XRCC4: variants seen among roughly 807,000 people sequenced by gnomAD.
XRCC4 encodes DNA repair protein XRCC4.
XRCC4 carries 28 observed loss-of-function variants against 39.1 expected under a neutral mutation model. The observed-to-expected ratio is 0.72, with a 90% CI of 0.53 to 0.98. XRCC4 has a LOEUF of 0.98. Ranked by LOEUF, XRCC4 falls within the 50% of genes least tolerant of loss-of-function variation. The pLI, the probability that XRCC4 is intolerant of heterozygous loss-of-function variation, is 0.00. For synonymous variants in XRCC4, 123 were observed against 126.4 expected (o/e 0.97, Z 0.18); for missense variants, 350 against 376.4 (o/e 0.93, Z 0.58).
intron 7 of XRCC4, among the ~76,000 whole-genome samples, chr5:83,345,550 C>T (rs138873435): frequency 6.6e-5 from 10 of 152,244 alleles, no homozygotes; most frequent in East Asian, 1.9e-4. Flanking sequence ...AGTGTTATGG[C>T]GCCATCAATC....
chr5:83,099,280 C>G lies in XRCC4; in HGVS notation c.-10-5630C>G, dbSNP rs114499556. On this transcript the variant is annotated intron_variant, in intron 1 of 7. Coordinates refer to ENST00000396027, the MANE Select transcript of XRCC4 (RefSeq NM_003401.5). ...TGGCAGAGCTGCAGAAGTTTGAACA[C>G]CTGCAGCCCAAGCAGCTTAAAAAGA... is the stretch of plus-strand genomic sequence containing the variant. 1.5e-3 allele frequency among the ~76,000 whole-genome samples: 232 copies of G among 152,132 alleles called. 1 individual carries two copies. The highest frequency in any genetic ancestry group is 5.4e-3 in the African/African-American group (223 of 41,518).
At chr5:83,265,870 A>ACT (rs72540832) in intron 7 of XRCC4, among the ~76,000 whole-genome samples, 31,298 of 151,906 alleles carry the variant, frequency 0.21, 7,291 homozygotes, top group African/African-American at 0.58. Flanking sequence ...GATGTTTATA[A>ACT]CACCCTGGGA....
rs34020910 is a variant in XRCC4 at position 83,093,014 on chromosome 5, G to GACACACACAC, written c.-10-11876_-10-11867dup. 2.5e-4 allele frequency among the ~76,000 whole-genome samples: 38 copies of GACACACACAC among 149,430 alleles called. No individual in the cohort carries two copies. The South Asian group carries it at 2.8e-3, about 11-fold the overall frequency. On this transcript the variant is annotated intron_variant, in intron 1 of 7. Coordinates refer to ENST00000396027, the MANE Select transcript of XRCC4 (RefSeq NM_003401.5). The stretch of plus-strand genomic sequence containing the variant: ...ATAAAAGACAAGGAGTAAATGAATG[G>GACACACACAC]ACACACACACACACACACACACACA...
intron 1 of XRCC4, among the ~76,000 whole-genome samples, chr5:83,092,819 C>T (rs1341358062): frequency 6.6e-6 from 1 of 151,810 alleles, no homozygotes; most frequent in African/African-American, 2.4e-5. Context: ...ACATACCACA[C>T]AGGAAACTAT....
chr5:83,268,997 G>A (rs717938), intron 7 of XRCC4, among the ~76,000 whole-genome samples: 29,827 of 152,048 alleles, frequency 0.2, 6,685 homozygotes, highest in African/African-American at 0.55. Flanking sequence ...TATAAAACAG[G>A]AACTGTTGGA....
intron 7 of XRCC4, among the ~76,000 whole-genome samples, chr5:83,312,957 A>G (rs1210414956): frequency 6.6e-6 from 1 of 152,188 alleles, no homozygotes; most frequent in Non-Finnish European, 1.5e-5. Context: ...AACACTTGCA[A>G]AATTCATTTT....
intron 3 of XRCC4, among the ~76,000 whole-genome samples, chr5:83,124,641 G>T (rs186820564): frequency 1.7e-4 from 26 of 152,264 alleles, no homozygotes; most frequent in African/African-American, 6.3e-4. Context: ...TAGTACAAGG[G>T]TTGGCAAACA....
chr5:83,088,880 GT>G (rs1252205435), intron 1 of XRCC4, among the ~76,000 whole-genome samples: 1 of 152,132 alleles, frequency 6.6e-6, no homozygotes, highest in Non-Finnish European at 1.5e-5. Context: ...GCAGGAACAT[GT>G]TTGATTTAGT....
chr5:83,333,187 T>G (rs1756491712), intron 7 of XRCC4, among the ~76,000 whole-genome samples: 1 of 152,288 alleles, frequency 6.6e-6, no homozygotes, highest in East Asian at 1.9e-4. Flanking sequence ...GAACTCTTAT[T>G]TGCACAGAGA....
At chr5:83,301,524 T>C (rs890757943) in intron 7 of XRCC4, among the ~76,000 whole-genome samples, 2 of 152,196 alleles carry the variant, frequency 1.3e-5, no homozygotes, top group African/African-American at 2.4e-5. Flanking sequence ...TTCTGTAGTT[T>C]ACCTGTTCAC....
At chr5:83,141,322 C>G (rs10077862) in intron 3 of XRCC4, among the ~76,000 whole-genome samples, 73,607 of 151,942 alleles carry the variant, frequency 0.48, 18,790 homozygotes, top group African/African-American at 0.63. Flanking sequence ...TGAATTCCTA[C>G]ATGTGTGATT....
chr5:83,333,260 TG>T (rs1426268125), intron 7 of XRCC4, among the ~76,000 whole-genome samples: 3 of 152,330 alleles, frequency 2.0e-5, no homozygotes, highest in East Asian at 3.9e-4. Flanking sequence ...ATTACATGTG[TG>T]GCAGAGTGAC....
At chr5:83,172,966 C>T (rs1240721476) in intron 3 of XRCC4, among the ~76,000 whole-genome samples, 3 of 152,060 alleles carry the variant, frequency 2.0e-5, no homozygotes, top group East Asian at 1.9e-4. Flanking sequence ...AAAATATTTG[C>T]ACTTGTGTTC....
chr5:83,084,323 A>T (rs1403715251), intron 1 of XRCC4, among the ~76,000 whole-genome samples: 1 of 152,218 alleles, frequency 6.6e-6, no homozygotes, highest in Non-Finnish European at 1.5e-5. Flanking sequence ...TTATTGCGGA[A>T]GCTGCCAGCC....
chr5:83,264,394 G>A (rs1296236135), intron 7 of XRCC4, among the ~76,000 whole-genome samples: 1 of 151,936 alleles, frequency 6.6e-6, no homozygotes. Context: ...TTATTTGTTT[G>A]CTTTCTGATA....
chr5:83,289,593 T>C (rs1271763157), intron 7 of XRCC4, among the ~76,000 whole-genome samples: 1 of 151,840 alleles, frequency 6.6e-6, no homozygotes, highest in Non-Finnish European at 1.5e-5. Flanking sequence ...TGGAGTCCTG[T>C]TGGTGTGGTG....
At chr5:83,250,659 C>T (rs1753272618) in intron 6 of XRCC4, among the ~76,000 whole-genome samples, 1 of 134,284 alleles carries the variant, frequency 7.4e-6, no homozygotes, top group Non-Finnish European at 1.6e-5. Flanking sequence ...TGAGTTCGTT[C>T]TGAAACATCC....
chr5:83,104,831 T>C, intron 1 of XRCC4, 79 bp from the exon 2 acceptor site: 2 of 1,320,094 alleles, frequency 1.5e-6, no homozygotes, highest in Admixed American at 2.1e-5. Flanking sequence ...GGTGTTTGTG[T>C]AGCTGAGAGG....
In XRCC4 at chr5:83,183,444, G is replaced by GTGTGTA. The variant is rs1750294772; in HGVS notation, c.316-12321_316-12320insATGTGT. 2.0e-5 allele frequency among the ~76,000 whole-genome samples: 3 copies of GTGTGTA among 148,268 alleles called. No individual in the cohort carries two copies. The South Asian group carries it at 6.7e-4, about 33-fold the overall frequency. Reference sequence around the variant, plus strand: ...TGTGTGTGTGTGTGTGTGTGTGTGTGTGTGTGTGTGGCACATCAAGCCTGT... The same window carrying GTGTGTA: ...TGTGTGTGTGTGTGTGTGTGTGTGTGTGTGTATGTGTGTGTGGCACATCAAGCCTGT... On this transcript the variant is annotated intron_variant, in intron 3 of 7. Transcript: ENST00000396027.
Sources: gnomAD v4.1 joint callset for allele counts (sites outside exome capture counted in the v4.1 genomes callset) on GRCh38, gnomAD v4.1.1 for gene constraint, MANE v1.5 for transcripts, NCBI Gene and HGNC (gene_info 2026-07-23, HGNC 2026-07-21) for gene names.